The following KCNQ1 variants were observed in gnomAD, a reference collection of about 807,000 sequenced individuals.
KCNQ1 encodes the protein potassium voltage-gated channel subfamily KQT member 1.
Under a neutral mutation model 72.4 loss-of-function variants are expected in KCNQ1, and 49 were observed. That is an observed-to-expected ratio of 0.68 (90% CI 0.54 to 0.86). KCNQ1 has a LOEUF of 0.86. Among genes scored for constraint, KCNQ1 ranks in the 40% least tolerant of loss-of-function variants. KCNQ1 has a pLI of 0.00. For missense variants in KCNQ1, 790 were observed against 945.1 expected, an observed-to-expected ratio of 0.84 and a Z score of 2.15; for synonymous variants, 450 against 412.6, an observed-to-expected ratio of 1.09 and a Z score of -1.10.
At chr11:2,650,398 G>A in intron 10 of KCNQ1, 1 of 398,562 alleles carries the variant, frequency 2.5e-6, no homozygotes, top group Non-Finnish European at 4.4e-6. Context: ...ATTTTATGGA[G>A]TAGCCTTAGT....
chr11:2,800,738 T>C (rs114702513), intron 15 of KCNQ1, among the ~76,000 whole-genome samples: 102 of 152,238 alleles, frequency 6.7e-4, no homozygotes, highest in Middle Eastern at 3.4e-3. Context: ...AACCCTAAAA[T>C]GGGGACATGC....
chr11:2,551,950 A>T (rs1847989226), intron 2 of KCNQ1, among the ~76,000 whole-genome samples: 1 of 152,204 alleles, frequency 6.6e-6, no homozygotes, highest in Non-Finnish European at 1.5e-5. Context: ...TAGAATAATC[A>T]TGTGAGTTGT....
At chr11:2,741,510 T>A (rs1683416398) in intron 11 of KCNQ1, among the ~76,000 whole-genome samples, 1 of 152,152 alleles carries the variant, frequency 6.6e-6, no homozygotes, top group South Asian at 2.1e-4. Flanking sequence ...TGTGCCCCTG[T>A]TTATCCCTTC....
rs952120366 is a variant in KCNQ1, at chr11:2,688,814, C to T, written c.1514+26733C>T. 4 of 398,738 alleles carry T rather than the reference C, an allele frequency of 1.0e-5. No individual in the cohort carries two copies. The East Asian group carries it at 1.4e-4, about 14-fold the overall frequency. 24.7% of individuals were successfully genotyped at this position (398,738 alleles called of 1,614,324 possible). On this transcript the variant is annotated intron_variant, in intron 11 of 15. Transcript: ENST00000155840. Reference sequence around the variant, plus strand: ...CCTCCCCCACACACAGCCCACCTGGCCCATCCCACAAAGAGAGATGGCACT... The same window carrying T: ...CCTCCCCCACACACAGCCCACCTGGTCCATCCCACAAAGAGAGATGGCACT...
Position 2,541,908 on chromosome 11 carries a change from G to A in KCNQ1, c.477+13890G>A, listed in dbSNP as rs911873773. The stretch of plus-strand genomic sequence containing the variant: ...AGCTAAGGGGGTTTGGGGGCCAGTC[G>A]GCAGCCTCTGGAGGCCTCTGCACCC... On this transcript the variant is annotated intron_variant, in intron 2 of 15. Transcript: ENST00000155840. The surrounding 1 kb of genome is among the most constrained non-coding windows in gnomAD (Gnocchi z 4.8). 2.0e-5 allele frequency among the ~76,000 whole-genome samples: 3 copies of A among 152,092 alleles called. No homozygotes were observed. The highest frequency in any genetic ancestry group is 2.9e-5 in the Non-Finnish European group (2 of 68,006).
chr11:2,456,103 G>C (rs1204609882), intron 1 of KCNQ1, among the ~76,000 whole-genome samples: 2 of 152,164 alleles, frequency 1.3e-5, no homozygotes, highest in Non-Finnish European at 2.9e-5. Context: ...ACTTTGGGAG[G>C]CCAAGGTGGG....
At chr11:2,470,706 G>T (rs992637036) in intron 1 of KCNQ1, among the ~76,000 whole-genome samples, 28 of 120,856 alleles carry the variant, frequency 2.3e-4, no homozygotes, top group Non-Finnish European at 3.6e-4. Flanking sequence ...CAGTTAGGTG[G>T]GGGGGGGGGT....
At chr11:2,506,743 C>T (rs973587975) in intron 1 of KCNQ1, among the ~76,000 whole-genome samples, 16 of 152,270 alleles carry the variant, frequency 1.1e-4, no homozygotes, top group Non-Finnish European at 2.4e-4. Flanking sequence ...GTTTTTTCTA[C>T]AGTTGCGCCA....
chr11:2,588,914 G>A lies in KCNQ1; in HGVS notation c.1393+60G>A. 2 of 1,588,876 alleles carry A rather than the reference G, an allele frequency of 1.3e-6. No individual in the cohort carries two copies. Among genetic ancestry groups the A allele is most frequent in the South Asian group, 1.1e-5 (1 of 89,166 alleles). ...CCGGGAAGGTCACTGCCTTTTTTGGGAGCCCGAGCAAGCCAGTGAGTTTCT... is the reference window on the plus strand; with the variant it reads ...CCGGGAAGGTCACTGCCTTTTTTGGAAGCCCGAGCAAGCCAGTGAGTTTCT... On this transcript the variant is annotated intron_variant, in intron 10 of 15. Coordinates refer to ENST00000155840, the MANE Select transcript of KCNQ1 (RefSeq NM_000218.3). The surrounding 1 kb of genome is among the most constrained non-coding windows in gnomAD (Gnocchi z 5.6).
At chr11:2,519,348 G>A (rs117939040) in intron 1 of KCNQ1, among the ~76,000 whole-genome samples, 2,495 of 152,362 alleles carry the variant, frequency 0.016, 29 homozygotes, top group Non-Finnish European at 0.023. Context: ...GGGCGTGGAC[G>A]TGACCCTCTT....
chr11:2,617,695 C>T lies in KCNQ1; in HGVS notation c.1393+28841C>T. On this transcript the variant is annotated intron_variant, in intron 10 of 15. Transcript: ENST00000155840. This position sits in a 1 kb window ranked among gnomAD's most constrained non-coding sequence, Gnocchi z 4.6. The stretch of plus-strand genomic sequence containing the variant: ...GTCCCACCAACACTGTACAAGAGTT[C>T]CCTAACCCTAGCCAACACTTAATAG... 2.5e-6 allele frequency: 1 copy of T among 398,410 alleles called. No individual in the cohort carries two copies. The highest frequency in any genetic ancestry group is 4.4e-6 in the Non-Finnish European group (1 of 225,954). 24.7% of individuals were successfully genotyped at this position (398,410 alleles called of 1,614,324 possible).
chr11:2,724,481 G>T lies in KCNQ1; in HGVS notation c.1515-44363G>T, dbSNP rs1043661588. Among the ~76,000 whole-genome samples the T allele has an allele frequency of 1.6e-4, 24 of 152,338 alleles. No homozygotes were observed. The highest frequency in any genetic ancestry group is 3.1e-4 in the Non-Finnish European group (21 of 68,020). On this transcript the variant is annotated intron_variant, in intron 11 of 15. Transcript: ENST00000155840. The surrounding 1 kb of genome is among the most constrained non-coding windows in gnomAD (Gnocchi z 6.8). ...AGGAAGGAGGGTGGGAGGGCAAAGAGAGAGAAGTGGTGGGTGGCAGCGAGC... is the reference window on the plus strand; with the variant it reads ...AGGAAGGAGGGTGGGAGGGCAAAGATAGAGAAGTGGTGGGTGGCAGCGAGC...
At chr11:2,665,051 C>G (rs1243100911) in intron 11 of KCNQ1, 5 of 398,352 alleles carry the variant, frequency 1.3e-5, no homozygotes, top group Non-Finnish European at 2.2e-5. Context: ...CTGATGCAAG[C>G]TAGGGAGTCA....
chr11:2,797,854 G>T lies in KCNQ1; in HGVS notation c.1794+19817G>T, dbSNP rs771942386. The stretch of plus-strand genomic sequence containing the variant: ...CCTGTGAAGCCAGCCGGTTCCCCCA[G>T]GCACAGGGGATACCTCTTCCCTTTG... On this transcript the variant is annotated intron_variant, in intron 15 of 15. Transcript: ENST00000155840. Among the ~76,000 whole-genome samples the T allele has an allele frequency of 3.9e-5, 6 of 152,018 alleles. No homozygotes were observed. The South Asian group carries it at 8.3e-4, about 21-fold the overall frequency.
chr11:2,806,676 A>G (rs1028657344), intron 15 of KCNQ1, among the ~76,000 whole-genome samples: 3 of 152,026 alleles, frequency 2.0e-5, no homozygotes, highest in Non-Finnish European at 4.4e-5. Flanking sequence ...GGGGATCCCC[A>G]TTCATTCTCT....
At chr11:2,578,723 C>T (rs935776401) in intron 6 of KCNQ1, among the ~76,000 whole-genome samples, 1 of 152,256 alleles carries the variant, frequency 6.6e-6, no homozygotes, top group Non-Finnish European at 1.5e-5. Flanking sequence ...GTGCTGCGCT[C>T]TCCTGACTCC....
At chr11:2,741,711 G>A (rs1564878257) in intron 11 of KCNQ1, among the ~76,000 whole-genome samples, 1 of 152,260 alleles carries the variant, frequency 6.6e-6, no homozygotes, top group Non-Finnish European at 1.5e-5. Context: ...GGCAGGCTGA[G>A]GAAGCTGTGC....
intron 10 of KCNQ1, chr11:2,656,463 G>C (rs1849849703): frequency 2.5e-6 from 1 of 398,570 alleles, no homozygotes; most frequent in Admixed American, 4.4e-5. Context: ...GTGGTTTCCT[G>C]CTGGAAGTCT....
chr11:2,687,255 C>T lies in KCNQ1; in HGVS notation c.1514+25174C>T, dbSNP rs980129431. On this transcript the variant is annotated intron_variant, in intron 11 of 15. Transcript: ENST00000155840. This position sits in a 1 kb window ranked among gnomAD's most constrained non-coding sequence, Gnocchi z 5.0. Reference sequence around the variant, plus strand: ...ACTCAGCCAGCATCACTACCAGCTCCGGGCTTCTCTCCTCTGGCCTCCCAC... The same window carrying T: ...ACTCAGCCAGCATCACTACCAGCTCTGGGCTTCTCTCCTCTGGCCTCCCAC... 9 of 398,660 alleles carry T rather than the reference C, an allele frequency of 2.3e-5. No individual in the cohort carries two copies. Among genetic ancestry groups the T allele is most frequent in the Middle Eastern group, 6.3e-4 (1 of 1,588 alleles). The allele number at this position is 398,660 out of a possible 1,614,324, so 24.7% of individuals were successfully genotyped here.
Sources: allele counts gnomAD v4.1 joint callset (sites outside exome capture counted in the v4.1 genomes callset), GRCh38; gene constraint gnomAD v4.1.1; non-coding constraint Gnocchi (gnomAD v3.1); transcripts MANE v1.5; gene names NCBI Gene and HGNC (gene_info 2026-07-23, HGNC 2026-07-21).